Variants in ASPRV1 observed in about 807,000 individuals in gnomAD.
ASPRV1 encodes aspartic peptidase retroviral like 1, also known as retroviral-like aspartic protease 1.
ASPRV1 carries 7 observed loss-of-function variants against 11.0 expected under a neutral mutation model. The observed-to-expected ratio is 0.64, with a 90% CI of 0.36 to 1.20. The LOEUF (loss-of-function observed/expected upper bound fraction) is 1.20, where lower values mean the gene tolerates loss of function less well. ASPRV1 is among the 50% of genes most tolerant of loss of function. The pLI is 0.02. For missense variants in ASPRV1, 299 were observed against 320.0 expected, an observed-to-expected ratio of 0.93 and a Z score of 0.50; for synonymous variants, 136 against 138.4, an observed-to-expected ratio of 0.98 and a Z score of 0.12.
At chr2:70,070,897 A>T in the ASPRV1 span, 4 of 152,196 alleles carry the variant, frequency 2.6e-5, no homozygotes, top group African/African-American at 9.7e-5. Flanking sequence ...CCCAACAAAA[A>T]CCTTTTAATG....
chr2:70,087,209 A>G, the ASPRV1 span: 5 of 151,852 alleles, frequency 3.3e-5, no homozygotes, highest in Non-Finnish European at 7.4e-5. Context: ...CAGCACTAGT[A>G]TTTTCAGTCA....
At chr2:70,057,564 C>T in the ASPRV1 span, among the ~76,000 whole-genome samples, 3 of 151,342 alleles carry the variant, frequency 2.0e-5, no homozygotes, top group East Asian at 1.9e-4. Flanking sequence ...CTGCAACCTC[C>T]GCCTCCCAGG....
At chr2:69,968,642 T>A in the ASPRV1 span, 19 of 152,252 alleles carry the variant, frequency 1.2e-4, no homozygotes, top group African/African-American at 4.6e-4. Flanking sequence ...CACTTTGGGG[T>A]GTGTTTGAAA....
chr2:69,942,782 C>T, the ASPRV1 span: 1 of 152,130 alleles, frequency 6.6e-6, no homozygotes, highest in Non-Finnish European at 1.5e-5. Flanking sequence ...AATATGACGC[C>T]AATGTAAATC....
the ASPRV1 span, among the ~76,000 whole-genome samples, chr2:70,079,362 AG>A: frequency 1.3e-5 from 2 of 152,164 alleles, no homozygotes; most frequent in African/African-American, 4.8e-5. Context: ...CTGTAGTACT[AG>A]CCACTGAGGA....
At chr2:69,967,853 G>T in the ASPRV1 span, among the ~76,000 whole-genome samples, 1 of 152,274 alleles carries the variant, frequency 6.6e-6, no homozygotes, top group East Asian at 1.9e-4. Flanking sequence ...GGCTGAGGTG[G>T]GTGGATCACC....
At chr2:69,961,823 GC>G, upstream of ASPRV1, 1 of 1,004,324 alleles carries the variant, frequency 1.0e-6, no homozygotes, top group Non-Finnish European at 1.5e-6. Context: ...CCCAAGAAAG[GC>G]CAGCCTCTGT....
chr2:70,054,067 TCA>T, the ASPRV1 span: 2 of 151,474 alleles, frequency 1.3e-5, no homozygotes, highest in African/African-American at 2.4e-5. Context: ...GCGCGGTGGC[TCA>T]CGCCTGTAAT....
chr2:69,960,957 C>T lies in ASPRV1; in HGVS notation c.480G>A (p.Lys160=), dbSNP rs138437547. 371 of 1,614,114 alleles carry T rather than the reference C, an allele frequency of 2.3e-4. No homozygotes were observed. Among genetic ancestry groups the T allele is most frequent in the Middle Eastern group, 1.2e-3 (7 of 6,062 alleles). The stretch of plus-strand genomic sequence containing the variant: ...TCTTCATTTCAGCACCATTGGCCAC[C>T]TTTACCACATTCTCAAAGGGCTGCA... ...DTLQPFENVV[K]VANGAEMKIL... The change falls in exon 1 of 1, where the codon AAG becomes AAA. Residue 160 remains lysine, a synonymous_variant. Coordinates refer to ENST00000320256, the MANE Select transcript of ASPRV1 (RefSeq NM_152792.4).
At chr2:70,037,410 G>A in the ASPRV1 span, among the ~76,000 whole-genome samples, 65 of 152,160 alleles carry the variant, frequency 4.3e-4, no homozygotes, top group African/African-American at 6.0e-4. Flanking sequence ...TGCAACCTCC[G>A]CCTCCTGCAT....
chr2:69,946,799 T>C, the ASPRV1 span, among the ~76,000 whole-genome samples: 22 of 152,086 alleles, frequency 1.4e-4, no homozygotes, highest in African/African-American at 5.3e-4. Flanking sequence ...AATGTGGGCA[T>C]TGACAGTGGA....
chr2:70,063,241 C>T, the ASPRV1 span, among the ~76,000 whole-genome samples: 1 of 152,166 alleles, frequency 6.6e-6, no homozygotes, highest in Non-Finnish European at 1.5e-5. Flanking sequence ...CATGAGTGCC[C>T]CCTAACGCTG....
the ASPRV1 span, among the ~76,000 whole-genome samples, chr2:70,082,529 G>A: frequency 1.3e-5 from 2 of 152,130 alleles, no homozygotes; most frequent in African/African-American, 2.4e-5. Flanking sequence ...TGACCAACAT[G>A]GAGAAACTCC....
chr2:70,082,664 C>T, the ASPRV1 span, among the ~76,000 whole-genome samples: 6 of 152,136 alleles, frequency 3.9e-5, no homozygotes, highest in Non-Finnish European at 5.9e-5. Context: ...GAGCCAGGAT[C>T]GCGCCACTGC....
At chr2:70,058,754 T>C in the ASPRV1 span, among the ~76,000 whole-genome samples, 1 of 151,216 alleles carries the variant, frequency 6.6e-6, no homozygotes, top group Non-Finnish European at 1.5e-5. Flanking sequence ...GGTTTCACCA[T>C]GTTGGCCAGG....
chr2:70,000,782 C>T, the ASPRV1 span, among the ~76,000 whole-genome samples: 1 of 89,326 alleles, frequency 1.1e-5, no homozygotes, highest in Non-Finnish European at 1.9e-5. Context: ...GAGCAAGACC[C>T]TGCCTCAAAA....
At chr2:69,962,606 G>C (rs937896378), upstream of ASPRV1, 1 of 153,510 alleles carries the variant, frequency 6.5e-6, no homozygotes, top group Non-Finnish European at 1.5e-5. Context: ...AGGACATCCA[G>C]TCGTCTACAG....
the ASPRV1 span, among the ~76,000 whole-genome samples, chr2:70,052,378 A>C: frequency 6.6e-6 from 1 of 152,194 alleles, no homozygotes; most frequent in Non-Finnish European, 1.5e-5. Flanking sequence ...AAGTGAAAAA[A>C]AGATGGTAAA....
chr2:70,080,181 G>GT, the ASPRV1 span, among the ~76,000 whole-genome samples: 2 of 150,904 alleles, frequency 1.3e-5, no homozygotes, highest in African/African-American at 2.4e-5. Context: ...GCAAAACATG[G>GT]TAAGATTCAG....
Sources: allele counts gnomAD v4.1 joint callset (sites outside exome capture counted in the v4.1 genomes callset), GRCh38; gene constraint gnomAD v4.1.1; transcripts MANE v1.5; gene names NCBI Gene and HGNC (gene_info 2026-07-23, HGNC 2026-07-21).